CELF6: variants seen among roughly 807,000 people sequenced by gnomAD.
The protein encoded by CELF6 is CUGBP Elav-like family member 6, also known as Bruno -like 6, RNA binding protein.
A neutral mutation model predicts 53.1 loss-of-function variants in CELF6; 32 were observed. The observed-to-expected ratio is 0.60, with a 90% confidence interval of 0.46 to 0.81. CELF6 has a LOEUF of 0.81. Among genes scored for constraint, CELF6 ranks in the 30% least tolerant of loss-of-function variants. CELF6 has a pLI of 0.00. For synonymous variants in CELF6, 291 were observed against 288.8 expected (o/e 1.01, Z -0.08); for missense variants, 539 against 669.5 (o/e 0.81, Z 2.15).
intron 3 of CELF6, among the ~76,000 whole-genome samples, chr15:72,296,080 C>G (rs898300955): frequency 2.0e-5 from 3 of 152,136 alleles, no homozygotes. Flanking sequence ...AACTCTCTTA[C>G]ATATGGTCAA....
chr15:72,292,373 C>G (rs1394657565), intron 3 of CELF6: 1 of 741,732 alleles, frequency 1.3e-6, no homozygotes, highest in African/African-American at 1.8e-5. Context: ...CCCGAAAGAC[C>G]ATGCCATTGT....
chr15:72,313,812 G>GCTGTTA, intron 2 of CELF6: 3 of 842,252 alleles, frequency 3.6e-6, no homozygotes, highest in Non-Finnish European at 4.3e-6. Flanking sequence ...TACTAATGCT[G>GCTGTTA]CTGTTACTAT....
At chr15:72,312,267 G>T (rs1448400294) in intron 2 of CELF6, among the ~76,000 whole-genome samples, 2 of 152,152 alleles carry the variant, frequency 1.3e-5, no homozygotes, top group African/African-American at 4.8e-5. Context: ...TTTCATAGGG[G>T]ACAGAAATTG....
At chr15:72,303,515 G>A (rs1357172033) in intron 3 of CELF6, among the ~76,000 whole-genome samples, 4 of 152,214 alleles carry the variant, frequency 2.6e-5, no homozygotes, top group Non-Finnish European at 4.4e-5. Flanking sequence ...TTCTCAGACT[G>A]AGCATGAAGT....
At position 72,288,397 on chromosome 15, in the gene CELF6, G is replaced by T; in HGVS notation, c.1229C>A (p.Ala410Glu). 1 of 1,614,036 alleles carries T rather than the reference G, an allele frequency of 6.2e-7. No homozygotes were observed. Among genetic ancestry groups the T allele is most frequent in the Non-Finnish European group, 8.5e-7 (1 of 1,179,922 alleles). The part of the protein sequence containing the change: ...IYHLPQEFGD[A>E]ELIQTFLPFG... ...GGGCAGGAATGTCTGTATGAGTTCC[G>T]CATCACCAAACTCCTGAGGCAGGTG... is the stretch of plus-strand genomic sequence containing the variant. Residue 410 changes from alanine (A) to glutamate (E), a missense_variant, in exon 11 of 13, where the codon GCG (alanine) becomes GAG (glutamate). Coordinates refer to ENST00000287202, the MANE Select transcript of CELF6 (RefSeq NM_052840.5). This position sits in a 1 kb window ranked among gnomAD's most constrained non-coding sequence, Gnocchi z 4.6.
chr15:72,308,729 T>C (rs905244139), intron 2 of CELF6, among the ~76,000 whole-genome samples: 7 of 151,948 alleles, frequency 4.6e-5, no homozygotes, highest in Admixed American at 1.3e-4. Context: ...TTTTGGAGAC[T>C]GAGTCTCACT....
intron 2 of CELF6, chr15:72,306,205 T>G: frequency 1.0e-6 from 1 of 981,368 alleles, no homozygotes; most frequent in Non-Finnish European, 1.2e-6. Context: ...CTTTGTAAAC[T>G]GCCAAGAGCT....
intron 2 of CELF6, among the ~76,000 whole-genome samples, chr15:72,311,694 A>G (rs2959921): frequency 0.99 from 151,435 of 152,240 alleles, 75,320 homozygotes; most frequent in Middle Eastern, 1. Flanking sequence ...GAGCCACTGC[A>G]CCCGGCCAAT....
chr15:72,296,628 G>A (rs1268987894), intron 3 of CELF6, among the ~76,000 whole-genome samples: 2 of 152,102 alleles, frequency 1.3e-5, no homozygotes, highest in Non-Finnish European at 1.5e-5. Context: ...TTTAATAATG[G>A]GCAAAGGATT....
chr15:72,308,772 C>T (rs763291097), intron 2 of CELF6, among the ~76,000 whole-genome samples: 53 of 152,126 alleles, frequency 3.5e-4, no homozygotes, highest in Middle Eastern at 3.4e-3. Context: ...GTGGCGCGAT[C>T]TCAGCTCACT....
chr15:72,316,005 CA>C, intron 1 of CELF6, 78 bp from the exon 2 acceptor site: 1 of 956,794 alleles, frequency 1.0e-6, no homozygotes. Context: ...ACTAAGTTGA[CA>C]AACTTAAGGC....
chr15:72,287,207 T>A, intron 12 of CELF6, 30 bp downstream of exon 12: 1 of 1,590,064 alleles, frequency 6.3e-7, no homozygotes, highest in Non-Finnish European at 8.6e-7. Context: ...CACTCAGGCC[T>A]CATCTACCTG....
At position 72,285,080 on chromosome 15, in the gene CELF6, CAGACAGACAA is replaced by C. The variant is rs2087905518; in HGVS notation, c.*1281_*1290del. The C allele has an allele frequency of 6.5e-6, 1 of 152,784 alleles. No individual in the cohort carries two copies. The highest frequency in any genetic ancestry group is 2.1e-4 in the South Asian group (1 of 4,834). 9.5% of individuals were successfully genotyped at this position (152,784 alleles called of 1,614,324 possible). A position where few individuals can be genotyped will look rare whatever the true frequency, so the allele number is the denominator to read the frequency against. On this transcript the variant is annotated 3_prime_UTR_variant, in exon 13 of 13. Transcript: ENST00000287202. ...TTTATATGGCACCCACTGTATACAA[CAGACAGACAA>C]AGACAGACAGACAGAGCACACACCA...
chr15:72,292,959 G>A (rs534817661), intron 3 of CELF6, among the ~76,000 whole-genome samples: 3 of 152,304 alleles, frequency 2.0e-5, no homozygotes, highest in South Asian at 4.1e-4. Flanking sequence ...CCTAGGAGGC[G>A]GAGGTTACAG....
chr15:72,300,780 G>A (rs143063251), intron 3 of CELF6, among the ~76,000 whole-genome samples: 2,084 of 152,122 alleles, frequency 0.014, 40 homozygotes, highest in African/African-American at 0.048. Flanking sequence ...GTTGCGTTGA[G>A]TGGAGATGGC....
intron 2 of CELF6, among the ~76,000 whole-genome samples, chr15:72,305,408 T>C (rs2088212974): frequency 6.6e-6 from 1 of 152,210 alleles, no homozygotes; most frequent in Non-Finnish European, 1.5e-5. Flanking sequence ...GGTTTCTCCA[T>C]GTTGGCTAAG....
intron 11 of CELF6, among the ~76,000 whole-genome samples, chr15:72,287,595 C>G (rs962467605): frequency 1.3e-5 from 2 of 152,204 alleles, no homozygotes; most frequent in Non-Finnish European, 2.9e-5. Context: ...GGAAGCAACT[C>G]TGAGTGTGTG....
In CELF6 at chr15:72,319,855, C is replaced by T. The variant is rs2088406854; in HGVS notation, c.20G>A (p.Gly7Glu). The change falls in exon 1 of 13, where the codon GGG becomes GAG. Residue 7 changes from glycine to glutamate, a missense_variant. By Grantham distance (98) the Gly-to-Glu change is moderately conservative. Coordinates refer to ENST00000287202, the MANE Select transcript of CELF6 (RefSeq NM_052840.5). The surrounding 1 kb of genome is among the most constrained non-coding windows in gnomAD (Gnocchi z 5.0). Reference protein sequence around the residue: MAAAPGGSAQPAGPGPR... With the variant: MAAAPGESAQPAGPGPR... ...GCCGGGGCCAGCGGGCTGCGCTGAC[C>T]CTCCCGGCGCCGCGGCCATGTCCCC... 6.6e-7 allele frequency: 1 copy of T among 1,516,184 alleles called. No individual in the cohort carries two copies. The allele number at this position is 1,516,184 out of a possible 1,614,324, so 93.9% of individuals were successfully genotyped here.
intron 1 of CELF6, among the ~76,000 whole-genome samples, chr15:72,318,519 C>A (rs1308240776): frequency 6.6e-6 from 1 of 152,164 alleles, no homozygotes; most frequent in African/African-American, 2.4e-5. Flanking sequence ...CTTCTCAAAT[C>A]ATCTCCCCTT....
Sources: allele counts gnomAD v4.1 joint callset (sites outside exome capture counted in the v4.1 genomes callset), GRCh38; gene constraint gnomAD v4.1.1; non-coding constraint Gnocchi (gnomAD v3.1); transcripts MANE v1.5; gene names NCBI Gene and HGNC (gene_info 2026-07-23, HGNC 2026-07-21).